The following RNF41 variants were observed in gnomAD, a reference collection of about 807,000 sequenced individuals.
RNF41 encodes E3 ubiquitin-protein ligase NRDP1.
A neutral mutation model predicts 33.0 loss-of-function variants in RNF41; 4 were observed. The ratio of observed to expected loss-of-function variants is 0.12; its 90% CI spans 0.06 to 0.28. The LOEUF is 0.28. Ranked by LOEUF, RNF41 falls within the 10% of genes least tolerant of loss-of-function variation. The pLI is 1.00. For synonymous variants in RNF41, 164 were observed against 153.2 expected (o/e 1.07, Z -0.52); for missense variants, 228 against 432.6 (o/e 0.53, Z 4.19).
intron 1 of RNF41, among the ~76,000 whole-genome samples, chr12:56,218,170 TC>T (rs1869048422): frequency 6.6e-6 from 1 of 151,716 alleles, no homozygotes; most frequent in Non-Finnish European, 1.5e-5. Context: ...GCCAGGCTGG[TC>T]TCGAACTCCT....
intron 6 of RNF41, chr12:56,207,309 A>G (rs1424830007): frequency 1.5e-6 from 2 of 1,333,450 alleles, no homozygotes; most frequent in Admixed American, 2.2e-5. Context: ...GTTGTAAGCT[A>G]CCTGAAGACA....
intron 4 of RNF41, among the ~76,000 whole-genome samples, chr12:56,208,848 G>A (rs987050768): frequency 8.0e-5 from 12 of 149,628 alleles, no homozygotes; most frequent in African/African-American, 2.5e-4. Flanking sequence ...TTACAGGCGT[G>A]AGCCACCGCG....
intron 1 of RNF41, among the ~76,000 whole-genome samples, chr12:56,218,929 C>T (rs937483437): frequency 6.6e-6 from 1 of 150,712 alleles, no homozygotes; most frequent in Non-Finnish European, 1.5e-5. Flanking sequence ...GTCTCAATCT[C>T]CTGACCTTGT....
intron 1 of RNF41, among the ~76,000 whole-genome samples, chr12:56,218,244 G>A (rs531142070): frequency 1.3e-5 from 2 of 151,980 alleles, no homozygotes; most frequent in South Asian, 2.1e-4. Flanking sequence ...GTGAGCCACC[G>A]CGCCTGGCCC....
chr12:56,206,066 C>T lies in RNF41; in HGVS notation c.*381G>A. ...TCAACAGGCCTGACTGCTCTGATTCCCTGGTTTTGGAGGAGAGGGACGATT... is the reference window on the plus strand; with the variant it reads ...TCAACAGGCCTGACTGCTCTGATTCTCTGGTTTTGGAGGAGAGGGACGATT... On this transcript the variant is annotated 3_prime_UTR_variant, in exon 7 of 7. Coordinates refer to ENST00000345093, the MANE Select transcript of RNF41 (RefSeq NM_005785.4). This position sits in a 1 kb window ranked among gnomAD's most constrained non-coding sequence, Gnocchi z 5.7. 1 of 197,506 alleles carries T rather than the reference C, an allele frequency of 5.1e-6. No homozygotes were observed. Among genetic ancestry groups the T allele is most frequent in the Non-Finnish European group, 1.1e-5 (1 of 95,068 alleles). 12.2% of individuals were successfully genotyped at this position (197,506 alleles called of 1,614,324 possible).
At chr12:56,207,278 A>C in intron 6 of RNF41, 1 of 1,337,504 alleles carries the variant, frequency 7.5e-7, no homozygotes, top group Non-Finnish European at 9.8e-7. Context: ...CTGGACTTGC[A>C]CTCTGCCTCC....
intron 5 of RNF41, 84 bp downstream of exon 5, chr12:56,208,079 T>C: frequency 2.0e-6 from 3 of 1,509,996 alleles, no homozygotes; most frequent in Non-Finnish European, 1.8e-6. Flanking sequence ...CTGGTCTGTG[T>C]GTTCACAACT....
chr12:56,215,496 G>A (rs1207656080), intron 2 of RNF41, among the ~76,000 whole-genome samples: 1 of 151,820 alleles, frequency 6.6e-6, no homozygotes, highest in African/African-American at 2.4e-5. Flanking sequence ...TGAGGCAGAC[G>A]GATCATGAGG....
chr12:56,220,650 C>T (rs1246025628), intron 1 of RNF41, among the ~76,000 whole-genome samples: 1 of 151,138 alleles, frequency 6.6e-6, no homozygotes, highest in Non-Finnish European at 1.5e-5. Flanking sequence ...AGGAGAATCG[C>T]TTGAACCCAG....
chr12:56,220,627 A>G (rs1156395931), intron 1 of RNF41, among the ~76,000 whole-genome samples: 1 of 151,748 alleles, frequency 6.6e-6, no homozygotes, highest in Non-Finnish European at 1.5e-5. Flanking sequence ...CCAGCTATTC[A>G]AGAGGCTGAG....
intron 1 of RNF41, among the ~76,000 whole-genome samples, chr12:56,218,744 G>A (rs966503649): frequency 6.8e-6 from 1 of 147,590 alleles, no homozygotes; most frequent in Non-Finnish European, 1.5e-5. Context: ...TTGCTCTGTC[G>A]CCAGGCTGGA....
At chr12:56,214,594 C>T (rs927989226) in intron 2 of RNF41, among the ~76,000 whole-genome samples, 3 of 151,422 alleles carry the variant, frequency 2.0e-5, no homozygotes, top group East Asian at 1.9e-4. Context: ...TTTGGGAGGC[C>T]GGGACAGGCA....
At chr12:56,219,484 C>A (rs923518367) in intron 1 of RNF41, among the ~76,000 whole-genome samples, 1 of 148,970 alleles carries the variant, frequency 6.7e-6, no homozygotes, top group African/African-American at 2.5e-5. Flanking sequence ...CGTGAGCCAC[C>A]GCGCCCAGCC....
rs534371288 is a variant in RNF41 at position 56,218,296 on chromosome 12, A to G, written c.-208-1683T>C. On this transcript the variant is annotated intron_variant, in intron 1 of 6. Coordinates refer to ENST00000345093, the MANE Select transcript of RNF41 (RefSeq NM_005785.4). Reference sequence around the variant, plus strand: ...TTTTTTTGAGATAGGGTCTTGCTCTATTGCCCAGGCTGGAGTACAGTGGCA... The same window carrying G: ...TTTTTTTGAGATAGGGTCTTGCTCTGTTGCCCAGGCTGGAGTACAGTGGCA... Among the ~76,000 whole-genome samples, 81 of 151,818 alleles carry G rather than the reference A, an allele frequency of 5.3e-4. 1 individual carries two copies. The highest frequency in any genetic ancestry group is 3.5e-3 in the East Asian group (18 of 5,150).
intron 1 of RNF41, among the ~76,000 whole-genome samples, chr12:56,220,776 G>C (rs534406131): frequency 2.0e-5 from 3 of 151,422 alleles, no homozygotes; most frequent in Non-Finnish European, 4.4e-5. Context: ...AGAGTACTGA[G>C]AGTCGGAGAG....
chr12:56,219,986 C>T lies in RNF41; in HGVS notation c.-209+1774G>A, dbSNP rs1169913863. Among the ~76,000 whole-genome samples the T allele has an allele frequency of 3.3e-5, 5 of 150,752 alleles. No homozygotes were observed. The South Asian group carries it at 6.3e-4, about 19-fold the overall frequency. On this transcript the variant is annotated intron_variant, in intron 1 of 6. Transcript: ENST00000345093. ...GAGCAGAGATCGCAGCACCGCACTC[C>T]GGCCTGGGTGACAGAGTGAGACCCT...
intron 5 of RNF41, 27 bp downstream of exon 5, chr12:56,208,136 T>C (rs1868309620): frequency 6.2e-7 from 1 of 1,613,914 alleles, no homozygotes; most frequent in African/African-American, 1.3e-5. Context: ...ATGAGGGATA[T>C]GTTCTCCCCC....
At chr12:56,220,762 A>G (rs1398818365) in intron 1 of RNF41, among the ~76,000 whole-genome samples, 2 of 152,054 alleles carry the variant, frequency 1.3e-5, no homozygotes, top group East Asian at 3.9e-4. Flanking sequence ...TGCAAAATAA[A>G]TTTAGAGTAC....
chr12:56,211,796 C>A (rs1345391080), intron 3 of RNF41, among the ~76,000 whole-genome samples: 3 of 150,794 alleles, frequency 2.0e-5, no homozygotes, highest in South Asian at 2.1e-4. Flanking sequence ...CATAGCGAAA[C>A]CCTGTCTCTA....
Sources: gnomAD v4.1 joint callset for allele counts (sites outside exome capture counted in the v4.1 genomes callset) on GRCh38, gnomAD v4.1.1 for gene constraint, Gnocchi (gnomAD v3.1) non-coding constraint, MANE v1.5 for transcripts, NCBI Gene and HGNC (gene_info 2026-07-23, HGNC 2026-07-21) for gene names.